Variants in TENM1 observed in about 807,000 individuals in gnomAD.
TENM1 encodes teneurin-1.
TENM1 carries 35 observed loss-of-function variants against 174.8 expected under a neutral mutation model. The ratio of observed to expected loss-of-function variants is 0.20; its 90% CI spans 0.15 to 0.27. TENM1 has a LOEUF of 0.27. Ranked by LOEUF, TENM1 falls within the 10% of genes least tolerant of loss-of-function variation. The pLI, the probability that TENM1 is intolerant of heterozygous loss-of-function variation, is 1.00. For synonymous variants in TENM1, 781 were observed against 798.7 expected, an observed-to-expected ratio of 0.98 and a Z score of 0.37; for missense variants, 1,633 against 2,130.1, an observed-to-expected ratio of 0.77 and a Z score of 4.59.
intron 3 of TENM1, among the ~76,000 whole-genome samples, chrX:124,756,394 A>T (rs1359394528): frequency 9.8e-6 from 1 of 102,366 alleles, no homozygotes; most frequent in East Asian, 3.0e-4. Context: ...CATTCGTCTA[A>T]ATTTTTTTCA....
the TENM1 span, among the ~76,000 whole-genome samples, chrX:125,051,495 G>T: frequency 9.0e-6 from 1 of 110,894 alleles, no homozygotes; most frequent in African/African-American, 3.3e-5. Flanking sequence ...CCAAAACAGA[G>T]ATATAGACCA....
At chrX:124,866,345 T>C (rs1194688717) in intron 3 of TENM1, among the ~76,000 whole-genome samples, 1 of 111,846 alleles carries the variant, frequency 8.9e-6, no homozygotes, top group Non-Finnish European at 1.9e-5. Context: ...TAGAAATTAA[T>C]AACAAGAGGA....
chrX:124,474,409 CA>C, intron 22 of TENM1, among the ~76,000 whole-genome samples: 1 of 111,423 alleles, frequency 9.0e-6, no homozygotes. Context: ...CTGTTTGACT[CA>C]AAAACCTGAA....
chrX:124,824,509 C>A (rs763860816), intron 3 of TENM1, among the ~76,000 whole-genome samples: 24 of 112,022 alleles, frequency 2.1e-4, no homozygotes, highest in African/African-American at 6.8e-4. Flanking sequence ...CACATACATG[C>A]CTGTACTCAG....
intron 14 of TENM1, among the ~76,000 whole-genome samples, chrX:124,556,278 T>C (rs928031070): frequency 9.8e-6 from 1 of 101,784 alleles, no homozygotes; most frequent in Non-Finnish European, 2.0e-5. Context: ...AACCCATCTC[T>C]ACTAAAAATA....
chrX:124,499,884 C>T (rs957917700), intron 19 of TENM1, among the ~76,000 whole-genome samples: 43 of 112,069 alleles, frequency 3.8e-4, no homozygotes, highest in African/African-American at 1.3e-3. Context: ...ATTCAAAAAT[C>T]TTTCCAATTA....
rs993798743 is a variant in TENM1 at position 124,638,378 on chromosome X, T to C, written c.2077+3413A>G. Among the ~76,000 whole-genome samples, 4 of 110,841 alleles carry C rather than the reference T, an allele frequency of 3.6e-5. No homozygotes were observed. In the South Asian group the frequency reaches 1.6e-3, roughly 43 times the overall value. On this transcript the variant is annotated intron_variant, in intron 11 of 31. Coordinates refer to ENST00000422452, the Ensembl canonical transcript of TENM1. ...TATTTGAATTTATGCAACTGGAGAG[T>C]AGTACATTACCAGGAATTTTATCTA...
chrX:124,577,400 C>T (rs921951669), intron 11 of TENM1, among the ~76,000 whole-genome samples: 1 of 108,414 alleles, frequency 9.2e-6, no homozygotes, highest in Non-Finnish European at 1.9e-5. Context: ...AGAAAAGAAA[C>T]GTAAAGAACC....
At chrX:124,975,730 G>C in the TENM1 span, among the ~76,000 whole-genome samples, 2 of 111,729 alleles carry the variant, frequency 1.8e-5, no homozygotes, top group Non-Finnish European at 3.8e-5. Flanking sequence ...ATTCAACAAA[G>C]ATACACACCC....
chrX:124,816,673 T>G (rs1297903984), intron 3 of TENM1, among the ~76,000 whole-genome samples: 1 of 111,251 alleles, frequency 9.0e-6, no homozygotes, highest in Non-Finnish European at 1.9e-5. Flanking sequence ...TGTAGAAAAC[T>G]TATAAAATGG....
At chrX:125,081,264 C>T in the TENM1 span, among the ~76,000 whole-genome samples, 2 of 111,138 alleles carry the variant, frequency 1.8e-5, no homozygotes, top group East Asian at 2.8e-4. Context: ...GCTAGATTGT[C>T]GTATTTTGTC....
chrX:124,568,507 T>A (rs1408310501), intron 11 of TENM1, among the ~76,000 whole-genome samples: 1 of 111,467 alleles, frequency 9.0e-6, no homozygotes, highest in Non-Finnish European at 1.9e-5. Flanking sequence ...TAAGATGGAG[T>A]GTCCTGAATG....
At chrX:124,383,650 A>G in exon 30 of TENM1, 17 of 1,209,761 alleles carry the variant, frequency 1.4e-5, no homozygotes, top group Non-Finnish European at 1.9e-5. Context: ...TATACTTTGC[A>G]ACATCTTGAA....
intron 18 of TENM1, among the ~76,000 whole-genome samples, chrX:124,507,817 C>A (rs1211763554): frequency 8.9e-6 from 1 of 111,842 alleles, no homozygotes; most frequent in East Asian, 2.8e-4. Context: ...CTTTCAACAG[C>A]TTCAGGCTAA....
At chrX:125,127,451 A>C in the TENM1 span, among the ~76,000 whole-genome samples, 1 of 111,893 alleles carries the variant, frequency 8.9e-6, no homozygotes, top group Non-Finnish European at 1.9e-5. Flanking sequence ...GAAGCTTAGA[A>C]GTTCATATTC....
intron 3 of TENM1, among the ~76,000 whole-genome samples, chrX:124,810,264 G>T (rs988681574): frequency 1.8e-5 from 2 of 111,552 alleles, no homozygotes; most frequent in African/African-American, 6.5e-5. Flanking sequence ...TGAAAACAAA[G>T]AAGTTATGTT....
the TENM1 span, among the ~76,000 whole-genome samples, chrX:125,052,047 C>T: frequency 1.8e-5 from 2 of 111,903 alleles, no homozygotes; most frequent in African/African-American, 6.5e-5. Flanking sequence ...TATGAACAGA[C>T]ACTTCTCGAA....
intron 1 of TENM1, among the ~76,000 whole-genome samples, chrX:124,915,125 CA>C (rs1429233597): frequency 8.9e-6 from 1 of 111,771 alleles, no homozygotes; most frequent in Non-Finnish European, 1.9e-5. Flanking sequence ...CTTGACCCTC[CA>C]GACCAGATTA....
chrX:125,185,010 A>C, the TENM1 span, among the ~76,000 whole-genome samples: 1 of 111,812 alleles, frequency 8.9e-6, no homozygotes, highest in Non-Finnish European at 1.9e-5. Context: ...TTTACCACGA[A>C]AAAAGGCACA....
Sources: allele counts gnomAD v4.1 joint callset (sites outside exome capture counted in the v4.1 genomes callset), GRCh38; gene constraint gnomAD v4.1.1; transcripts MANE v1.5; gene names NCBI Gene and HGNC (gene_info 2026-07-23, HGNC 2026-07-21).